SLC71A2: variants seen among roughly 807,000 people sequenced by gnomAD.
SLC71A2 encodes the protein solute carrier family 71 member 2, also known as hippocampus abundant transcript-like 1.
chr9:94,455,400 T>TTTTAAAA, the SLC71A2 span, among the ~76,000 whole-genome samples: 1 of 118,596 alleles, frequency 8.4e-6, no homozygotes, highest in African/African-American at 4.4e-5. Context: ...TTTTTTTTTG[T>TTTTAAAA]AAAGACAAGG....
chr9:94,451,621 T>C, the SLC71A2 span: 18 of 607,486 alleles, frequency 3.0e-5, no homozygotes, highest in Non-Finnish European at 3.9e-5. Flanking sequence ...CAGGAAGATA[T>C]TCCCTGAGCT....
At chr9:94,440,484 C>G in the SLC71A2 span, among the ~76,000 whole-genome samples, 1 of 151,666 alleles carries the variant, frequency 6.6e-6, no homozygotes, top group African/African-American at 2.4e-5. Flanking sequence ...CTGGAGTAAA[C>G]CCCACTTTTT....
chr9:94,444,842 G>T, the SLC71A2 span: 16 of 789,896 alleles, frequency 2.0e-5, no homozygotes, highest in Non-Finnish European at 3.0e-5. Context: ...GCACCTGTGG[G>T]ACCCTGGTTG....
chr9:94,416,644 C>T, the SLC71A2 span, among the ~76,000 whole-genome samples: 3 of 152,144 alleles, frequency 2.0e-5, no homozygotes, highest in East Asian at 3.9e-4. Flanking sequence ...CACCTGAGGT[C>T]GGGAGTTCGA....
At chr9:94,396,792 C>T in the SLC71A2 span, among the ~76,000 whole-genome samples, 62 of 152,074 alleles carry the variant, frequency 4.1e-4, no homozygotes, top group African/African-American at 1.4e-3. Context: ...TTTTTTGAGA[C>T]GGAGTTTCGC....
At chr9:94,458,206 C>T in the SLC71A2 span, 1 of 869,370 alleles carries the variant, frequency 1.2e-6, no homozygotes, top group Non-Finnish European at 1.7e-6. Context: ...CATGCTTTCT[C>T]TTTTCCTCAG....
the SLC71A2 span, among the ~76,000 whole-genome samples, chr9:94,382,636 C>G: frequency 6.6e-6 from 1 of 151,754 alleles, no homozygotes; most frequent in Admixed American, 6.6e-5. Context: ...TTGCCTAATC[C>G]CAAATCATAG....
the SLC71A2 span, among the ~76,000 whole-genome samples, chr9:94,380,005 C>T: frequency 2.0e-5 from 3 of 152,202 alleles, no homozygotes; most frequent in Admixed American, 6.5e-5. Flanking sequence ...CGGTGGCTTA[C>T]GCCTATAATC....
chr9:94,432,232 G>A, the SLC71A2 span, among the ~76,000 whole-genome samples: 2 of 152,278 alleles, frequency 1.3e-5, no homozygotes, highest in Admixed American at 1.3e-4. Flanking sequence ...CAGACGCAGT[G>A]GCTCACGCCT....
chr9:94,384,407 C>T, the SLC71A2 span, among the ~76,000 whole-genome samples: 10 of 149,884 alleles, frequency 6.7e-5, no homozygotes, highest in Admixed American at 2.0e-4. Flanking sequence ...GGCATGATCA[C>T]GGCTCAGTGG....
the SLC71A2 span, chr9:94,456,302 C>A: frequency 1.2e-6 from 2 of 1,613,958 alleles, no homozygotes; most frequent in South Asian, 2.2e-5. Flanking sequence ...GCAATCAGTG[C>A]CCTCGTCTCT....
the SLC71A2 span, among the ~76,000 whole-genome samples, chr9:94,391,888 T>A: frequency 0.19 from 28,395 of 149,528 alleles, 3,350 homozygotes; most frequent in African/African-American, 0.34. Flanking sequence ...CCAAAAAAAA[T>A]TTTTTTTTTT....
At chr9:94,429,383 G>A in the SLC71A2 span, 3 of 1,382,116 alleles carry the variant, frequency 2.2e-6, no homozygotes, top group Non-Finnish European at 2.0e-6. Context: ...TAAATTTTTA[G>A]CTGGGTTATT....
At chr9:94,406,015 G>A in the SLC71A2 span, among the ~76,000 whole-genome samples, 15 of 147,454 alleles carry the variant, frequency 1.0e-4, no homozygotes, top group Non-Finnish European at 2.1e-4. Context: ...CACCTTCTTC[G>A]TTACATTTAT....
At chr9:94,406,104 C>G in the SLC71A2 span, among the ~76,000 whole-genome samples, 1 of 90,630 alleles carries the variant, frequency 1.1e-5, no homozygotes, top group Non-Finnish European at 1.9e-5. Flanking sequence ...GGGTGTCACT[C>G]TTGCCCAGGC....
At chr9:94,456,969 A>AC in the SLC71A2 span, among the ~76,000 whole-genome samples, 5 of 17,786 alleles carry the variant, frequency 2.8e-4, no homozygotes, top group South Asian at 2.3e-3. Context: ...TCCTCCCCCC[A>AC]CCCCCCACCT....
chr9:94,433,535 G>T, the SLC71A2 span, among the ~76,000 whole-genome samples: 2 of 151,176 alleles, frequency 1.3e-5, no homozygotes, highest in African/African-American at 4.9e-5. Flanking sequence ...AGCTGGGTGT[G>T]CCAGAGACAT....
chr9:94,454,024 T>C, the SLC71A2 span: 1 of 1,614,166 alleles, frequency 6.2e-7, no homozygotes, highest in East Asian at 2.2e-5. Context: ...TGGCTTGGGC[T>C]TCCAGATGCT....
At chr9:94,423,931 G>A in the SLC71A2 span, among the ~76,000 whole-genome samples, 3 of 147,932 alleles carry the variant, frequency 2.0e-5, no homozygotes, top group Non-Finnish European at 4.5e-5. Flanking sequence ...AAAAAATCCT[G>A]TTTAAGACAA....
Sources: gnomAD v4.1 joint callset for allele counts (sites outside exome capture counted in the v4.1 genomes callset) on GRCh38, gnomAD v4.1.1 for gene constraint, MANE v1.5 for transcripts, NCBI Gene and HGNC (gene_info 2026-07-23, HGNC 2026-07-21) for gene names.